Variants in PDCD1LG2 observed in about 807,000 individuals in gnomAD.
PDCD1LG2 encodes the protein programmed cell death 1 ligand 2.
In PDCD1LG2, 32 loss-of-function variants were observed where a neutral mutation model predicts 28.2. The ratio of observed to expected loss-of-function variants is 1.13; its 90% CI spans 0.86 to 1.52. The LOEUF (loss-of-function observed/expected upper bound fraction) is 1.52. Ranked by LOEUF, PDCD1LG2 falls within the 40% of genes most tolerant of loss-of-function variation. The pLI is 0.00. For missense variants in PDCD1LG2, 385 were observed against 323.8 expected (o/e 1.19, Z -1.45); for synonymous variants, 116 against 120.2 (o/e 0.97, Z 0.23).
Position 5,549,613 on chromosome 9 carries a change from T to C in PDCD1LG2, c.631+9T>C, listed in dbSNP as rs1563830738. The C allele has an allele frequency of 1.2e-6, 2 of 1,613,950 alleles. No homozygotes were observed. The highest frequency in any genetic ancestry group is 1.7e-6 in the Non-Finnish European group (2 of 1,179,832). On this transcript the variant is annotated intron_variant, in intron 4 of 6. Coordinates refer to ENST00000397747, the MANE Select transcript of PDCD1LG2 (RefSeq NM_025239.4). ...CAGCATTGACCTTCAAAGTAAGAGC[T>C]GCCCCCACTTCCTAGGTCTATCAGT...
rs768189989 is a variant in PDCD1LG2, at chr9:5,534,753, A to G, written c.64A>G (p.Thr22Ala). The G allele has an allele frequency of 2.8e-5, 44 of 1,597,612 alleles. No homozygotes were observed. The highest frequency in any genetic ancestry group is 3.4e-5 in the Non-Finnish European group (40 of 1,169,282). ...TCTTGTTTTCTTTTCAGCTTTATTCACAGTGACAGTCCCTAAGGAACTGTA... is the reference window on the plus strand; with the variant it reads ...TCTTGTTTTCTTTTCAGCTTTATTCGCAGTGACAGTCCCTAAGGAACTGTA... ...LQLHQIAALF[T>A]VTVPKELYII... The change falls in exon 3 of 7, where the codon ACA becomes GCA. Residue 22 changes from threonine to alanine, a missense_variant. Transcript: ENST00000397747.
intron 5 of PDCD1LG2, among the ~76,000 whole-genome samples, chr9:5,558,022 T>C (rs1265207149): frequency 1.3e-5 from 2 of 152,346 alleles, no homozygotes; most frequent in South Asian, 2.1e-4. Flanking sequence ...CCAAGAGCTT[T>C]CATCAGCCTC....
In PDCD1LG2 at chr9:5,550,722, C is replaced by T. The variant is rs547735901; in HGVS notation, c.631+1118C>T. Among the ~76,000 whole-genome samples the T allele has an allele frequency of 1.7e-3, 257 of 150,100 alleles. 1 individual carries two copies. In the Middle Eastern group the frequency reaches 0.017, roughly 10 times the overall value. ...CTCTTTTTTTTTTTTGAGATGAAGTCTTATTCTGCCCCCCAGGCTGGAATG... is the reference window on the plus strand; with the variant it reads ...CTCTTTTTTTTTTTTGAGATGAAGTTTTATTCTGCCCCCCAGGCTGGAATG... On this transcript the variant is annotated intron_variant, in intron 4 of 6. Coordinates refer to ENST00000397747, the MANE Select transcript of PDCD1LG2 (RefSeq NM_025239.4).
At chr9:5,550,519 G>A (rs1816307978) in intron 4 of PDCD1LG2, among the ~76,000 whole-genome samples, 1 of 152,122 alleles carries the variant, frequency 6.6e-6, no homozygotes, top group Non-Finnish European at 1.5e-5. Flanking sequence ...GAGTTTCACT[G>A]GGCTCAAATC....
intron 4 of PDCD1LG2, among the ~76,000 whole-genome samples, chr9:5,554,265 T>C (rs1464342300): frequency 6.6e-6 from 1 of 152,218 alleles, no homozygotes; most frequent in Middle Eastern, 3.2e-3. Flanking sequence ...AGATTCCATC[T>C]TAGATAATCG....
chr9:5,525,368 A>AT (rs1322036977), intron 2 of PDCD1LG2, among the ~76,000 whole-genome samples: 4 of 151,484 alleles, frequency 2.6e-5, no homozygotes, highest in Non-Finnish European at 5.9e-5. Flanking sequence ...AGAAAAAAAA[A>AT]CACTTATGGC....
At chr9:5,511,762 T>G (rs1009242427) in intron 1 of PDCD1LG2, among the ~76,000 whole-genome samples, 5 of 152,178 alleles carry the variant, frequency 3.3e-5, no homozygotes, top group African/African-American at 1.2e-4. Context: ...CCTTCATTAT[T>G]TGAGGTCTCC....
chr9:5,562,976 C>T (rs1816595030), intron 5 of PDCD1LG2, among the ~76,000 whole-genome samples, 186 bp from the exon 6 acceptor site: 1 of 152,224 alleles, frequency 6.6e-6, no homozygotes, highest in Non-Finnish European at 1.5e-5. Flanking sequence ...TCTTTGTTCA[C>T]ACTCTTTGCC....
chr9:5,516,584 G>C (rs1049599359), intron 1 of PDCD1LG2, among the ~76,000 whole-genome samples: 4 of 152,182 alleles, frequency 2.6e-5, no homozygotes, highest in African/African-American at 4.8e-5. Flanking sequence ...CCATCAACAT[G>C]CTGTCCATGA....
Position 5,564,163 on chromosome 9 carries a change from T to G in PDCD1LG2, c.816+952T>G, listed in dbSNP as rs528842645. Among the ~76,000 whole-genome samples, 8 of 152,322 alleles carry G rather than the reference T, an allele frequency of 5.3e-5. No individual in the cohort carries two copies. In the South Asian group the frequency reaches 1.7e-3, roughly 32 times the overall value. On this transcript the variant is annotated intron_variant, in intron 6 of 6. Coordinates refer to ENST00000397747, the MANE Select transcript of PDCD1LG2 (RefSeq NM_025239.4). ...CAGAAGTAAGTAACCAACTACTATTTGGTCATTGGAGTTGTCCAAGAGGCC... is the reference window on the plus strand; with the variant it reads ...CAGAAGTAAGTAACCAACTACTATTGGGTCATTGGAGTTGTCCAAGAGGCC...
At chr9:5,546,429 A>T (rs1216248353) in intron 3 of PDCD1LG2, among the ~76,000 whole-genome samples, 1 of 152,156 alleles carries the variant, frequency 6.6e-6, no homozygotes, top group Non-Finnish European at 1.5e-5. Context: ...AGTGTAGATA[A>T]ATAATACAAA....
chr9:5,530,113 T>C (rs1014115948), intron 2 of PDCD1LG2, among the ~76,000 whole-genome samples: 3 of 152,174 alleles, frequency 2.0e-5, no homozygotes, highest in South Asian at 2.1e-4. Context: ...ATGCAAATAA[T>C]TCGTTGTGTG....
At chr9:5,534,583 G>T (rs1008264341) in intron 2 of PDCD1LG2, among the ~76,000 whole-genome samples, 162 bp from the exon 3 acceptor site, 1 of 152,240 alleles carries the variant, frequency 6.6e-6, no homozygotes, top group African/African-American at 2.4e-5. Context: ...CTCTTGCCCA[G>T]ATGGATGGGG....
At chr9:5,558,671 C>T (rs945371441) in intron 5 of PDCD1LG2, among the ~76,000 whole-genome samples, 3 of 152,226 alleles carry the variant, frequency 2.0e-5, no homozygotes, top group African/African-American at 7.2e-5. Context: ...ATATTTTCAT[C>T]TGCCATAAAA....
In PDCD1LG2 at chr9:5,569,380, G is replaced by A. The variant is rs1223780149; in HGVS notation, c.817-574G>A. Among the ~76,000 whole-genome samples, 6 of 152,158 alleles carry A rather than the reference G, an allele frequency of 3.9e-5. No homozygotes were observed. Among genetic ancestry groups the A allele is most frequent in the Non-Finnish European group, 8.8e-5 (6 of 68,036 alleles). The stretch of plus-strand genomic sequence containing the variant: ...AGAACCCTAGTAAAAATGGCAATGA[G>A]AAAGGTCCATCTGGCAGGACCTATG... On this transcript the variant is annotated intron_variant, in intron 6 of 6. Transcript: ENST00000397747. The surrounding 1 kb of genome is among the most constrained non-coding windows in gnomAD (Gnocchi z 4.1).
chr9:5,542,774 T>A (rs1273368462), intron 3 of PDCD1LG2, among the ~76,000 whole-genome samples: 1 of 152,168 alleles, frequency 6.6e-6, no homozygotes, highest in Non-Finnish European at 1.5e-5. Flanking sequence ...GTGTGGAGAT[T>A]CCTTTAAAAA....
intron 2 of PDCD1LG2, among the ~76,000 whole-genome samples, chr9:5,526,428 C>A (rs1274485173): frequency 6.6e-6 from 1 of 151,888 alleles, no homozygotes; most frequent in Non-Finnish European, 1.5e-5. Context: ...TTATTTTTAC[C>A]TTTTTTAAAT....
At chr9:5,528,635 T>A (rs1221014329) in intron 2 of PDCD1LG2, among the ~76,000 whole-genome samples, 1 of 152,122 alleles carries the variant, frequency 6.6e-6, no homozygotes, top group East Asian at 1.9e-4. Context: ...TTATTGTATA[T>A]CTTCATTGGT....
At chr9:5,540,203 A>T (rs1357779008) in intron 3 of PDCD1LG2, among the ~76,000 whole-genome samples, 1 of 152,224 alleles carries the variant, frequency 6.6e-6, no homozygotes, top group Non-Finnish European at 1.5e-5. Flanking sequence ...ATAGTGACAC[A>T]ACCTATCAAA....
Sources: gnomAD v4.1 joint callset for allele counts (sites outside exome capture counted in the v4.1 genomes callset) on GRCh38, gnomAD v4.1.1 for gene constraint, Gnocchi (gnomAD v3.1) non-coding constraint, MANE v1.5 for transcripts, NCBI Gene and HGNC (gene_info 2026-07-23, HGNC 2026-07-21) for gene names.